Variants in MUC5AC observed in about 807,000 individuals in gnomAD.
The protein encoded by MUC5AC is mucin 5AC, oligomeric mucus/gel-forming, also known as mucin-5AC.
MUC5AC carries 158 observed loss-of-function variants against 169.7 expected under a neutral mutation model. The observed-to-expected ratio is 0.93, with a 90% confidence interval of 0.82 to 1.06. The LOEUF is 1.06. Ranked by LOEUF, MUC5AC falls within the 50% of genes least tolerant of loss-of-function variation. The probability of loss-of-function intolerance (pLI) is 0.00; values close to 1 mark genes in which losing one functional copy is unlikely to be tolerated. For missense variants in MUC5AC, 4,359 were observed against 3,089.9 expected (o/e 1.41, Z -9.74); for synonymous variants, 1,975 against 1,237.0 (o/e 1.60, Z -12.52).
rs1264990236 is a variant in MUC5AC at position 1,199,723 on chromosome 11, G to T, written c.16544G>T (p.Cys5515Phe). Residue 5515 changes from cysteine to phenylalanine, a missense_variant, in exon 47 of 49, where the codon TGC (cysteine) becomes TTC (phenylalanine). Transcript: ENST00000621226. ...GAGGCCCGCATGAGCAAGGACGGCT[G>T]CTGCCGCTTCTGCCCGCCGCCCCCG... ...LDEARMSKDG[C>F]CRFCPPPPPP... 1.4e-6 allele frequency: 1 copy of T among 712,164 alleles called. No individual in the cohort carries two copies. The highest frequency in any genetic ancestry group is 2.0e-5 in the Admixed American group (1 of 51,140). The allele number at this position is 712,164 out of a possible 1,614,324, so 44.1% of individuals were successfully genotyped here.
chr11:1,193,874 G>C (rs978208085), intron 33 of MUC5AC, among the ~76,000 whole-genome samples: 1 of 152,270 alleles, frequency 6.6e-6, no homozygotes, highest in Non-Finnish European at 1.5e-5. Context: ...GGAGCAGCCT[G>C]GCTGGAGAAG....
intron 9 of MUC5AC, among the ~76,000 whole-genome samples, chr11:1,164,753 G>A (rs1860258623): frequency 6.7e-6 from 1 of 148,334 alleles, no homozygotes; most frequent in Non-Finnish European, 1.5e-5. Flanking sequence ...GGCTGGTTGA[G>A]AATCCTGTCC....
In MUC5AC at chr11:1,182,748, A is replaced by G. The variant is rs2133752814; in HGVS notation, c.4603A>G (p.Lys1535Glu). ...CCCAGGTACCGCTACCTCTGTCAAA[A>G]AAACTTTCTCAACTCCCAGCCCTCC... ...PAPGTATSVKKTFSTPSPPPV... is the reference protein window; with the variant it reads ...PAPGTATSVKETFSTPSPPPV... Residue 1535 changes from lysine to glutamate, a missense_variant, in exon 31 of 49, where the codon AAA becomes GAA. Physicochemically the swap from Lys to Glu is moderately conservative, Grantham distance 56. Coordinates refer to ENST00000621226, the MANE Select transcript of MUC5AC (RefSeq NM_001304359.2). 1 of 398,248 alleles carries G rather than the reference A, an allele frequency of 2.5e-6. No homozygotes were observed. The highest frequency in any genetic ancestry group is 4.4e-6 in the Non-Finnish European group (1 of 226,002). 24.7% of individuals were successfully genotyped at this position (398,248 alleles called of 1,614,324 possible).
rs1254232873 is a variant in MUC5AC at position 1,184,775 on chromosome 11, T to C, written c.6630T>C (p.Arg2210=). 7.7e-6 allele frequency: 5 copies of C among 651,582 alleles called. No homozygotes were observed. Among genetic ancestry groups the C allele is most frequent in the Non-Finnish European group, 1.4e-5 (5 of 362,460 alleles). 40.4% of individuals were successfully genotyped at this position (651,582 alleles called of 1,614,324 possible). A position where few individuals can be genotyped will look rare whatever the true frequency, so the allele number is the denominator to read the frequency against. Residue 2210 remains arginine, a synonymous_variant, in exon 31 of 49, where the codon CGT becomes CGC. Transcript: ENST00000621226. ...PFKMCLNYEV[R]VLCCETPKGC... ...AGATGTGCCTCAACTACGAGGTGCG[T>C]GTGCTCTGCTGCGAGACCCCCAAAG...
chr11:1,181,690 G>A lies in MUC5AC; in HGVS notation c.4009+231G>A, dbSNP rs1002538409. 3.9e-5 allele frequency among the ~76,000 whole-genome samples: 6 copies of A among 152,296 alleles called. 1 individual carries two copies. In the South Asian group the frequency reaches 1.0e-3, roughly 26 times the overall value. ...TCCAAGTCACCCCAGCAGGCCTGGC[G>A]TCCAAGTCCTGCCCTCAGCAGCCCC... On this transcript the variant is annotated intron_variant, in intron 30 of 48. Transcript: ENST00000621226.
At chr11:1,175,816 AC>A (rs1401300512) in intron 19 of MUC5AC, among the ~76,000 whole-genome samples, 90,636 of 106,116 alleles carry the variant, frequency 0.85, 37,826 homozygotes, top group East Asian at 0.97. Flanking sequence ...ACTCATGCAC[AC>A]CACACCCACT....
chr11:1,159,493 G>GGGCTGTGCGA (rs1302411087), intron 1 of MUC5AC, among the ~76,000 whole-genome samples: 1 of 148,474 alleles, frequency 6.7e-6, no homozygotes, highest in African/African-American at 2.5e-5. Context: ...AGGCTGTGAG[G>GGGCTGTGCGA]GGCTGTGCGA....
Position 1,170,914 on chromosome 11 carries a change from CT to C in MUC5AC, c.1871-1514del, listed in dbSNP as rs1325237289. 6.8e-5 allele frequency among the ~76,000 whole-genome samples: 9 copies of C among 133,124 alleles called. No individual in the cohort carries two copies. In the East Asian group the frequency reaches 1.6e-3, roughly 23 times the overall value. The allele number at this position is 133,124 out of a possible 152,430, so 87.3% of individuals were successfully genotyped here. ...CTCACTCACTCACCCACTCACTCAC[CT>C]CACTCACTCACCCACTCACCCATTC... On this transcript the variant is annotated intron_variant, in intron 15 of 48. Transcript: ENST00000621226.
chr11:1,178,967 G>A (rs962499727), intron 25 of MUC5AC, 125 bp from the exon 26 acceptor site: 4 of 434,378 alleles, frequency 9.2e-6, no homozygotes, highest in African/African-American at 6.0e-5. Context: ...CTTGGGGATG[G>A]GCATTCGCCC....
chr11:1,166,017 G>A (rs1221620461), intron 11 of MUC5AC, among the ~76,000 whole-genome samples: 1 of 152,164 alleles, frequency 6.6e-6, no homozygotes, highest in South Asian at 2.1e-4. Flanking sequence ...ACCTTGGGCT[G>A]TTTATTTAAC....
chr11:1,161,712 G>T, intron 3 of MUC5AC, 126 bp downstream of exon 3: 1 of 1,300,420 alleles, frequency 7.7e-7, no homozygotes, highest in Non-Finnish European at 1.0e-6. Context: ...GGGTATTGGA[G>T]CCAGAGGGCC....
chr11:1,193,983 G>T (rs1241439423), intron 33 of MUC5AC, 127 bp from the exon 34 acceptor site: 2 of 659,618 alleles, frequency 3.0e-6, no homozygotes, highest in African/African-American at 1.8e-5. Flanking sequence ...TGACGTGAGG[G>T]TCTTGTGCGC....
intron 1 of MUC5AC, among the ~76,000 whole-genome samples, chr11:1,159,531 T>TGC (rs1860064939): frequency 7.7e-5 from 5 of 65,262 alleles, no homozygotes; most frequent in Admixed American, 5.4e-4. Flanking sequence ...ACCATGCTGG[T>TGC]TCTGTGCGGG....
At position 1,186,882 on chromosome 11, in the gene MUC5AC, ACAAC is replaced by A. The variant is rs1860962867; in HGVS notation, c.8740_8743del (p.Thr2914AlafsTer108). The A allele has an allele frequency of 4.1e-6, 3 of 726,294 alleles. No individual in the cohort carries two copies. 45.0% of individuals were successfully genotyped at this position (726,294 alleles called of 1,614,324 possible). On this transcript the variant is annotated frameshift_variant, in exon 31 of 49. Coordinates refer to ENST00000621226, the MANE Select transcript of MUC5AC (RefSeq NM_001304359.2). LOFTEE classifies it high-confidence loss of function. ...TACAACCAGCACAACCTCTGCCCCT[ACAAC>A]CAGCACAACCTCTGCCCCTACAAGC...
At chr11:1,164,946 G>T (rs1194163952) in intron 9 of MUC5AC, among the ~76,000 whole-genome samples, 2 of 105,322 alleles carry the variant, frequency 1.9e-5, no homozygotes, top group Non-Finnish European at 3.6e-5. Context: ...GAGGCTGGCT[G>T]ATGCCCCTGT....
chr11:1,194,140 A>G lies in MUC5AC; in HGVS notation c.14786A>G (p.Tyr4929Cys), dbSNP rs762257259. 1 of 764,992 alleles carries G rather than the reference A, an allele frequency of 1.3e-6. No individual in the cohort carries two copies. Among genetic ancestry groups the G allele is most frequent in the Non-Finnish European group, 2.4e-6 (1 of 417,838 alleles). The allele number at this position is 764,992 out of a possible 1,614,324, so 47.4% of individuals were successfully genotyped here. The change falls in exon 34 of 49, where the codon TAC becomes TGC. Residue 4929 changes from tyrosine to cysteine, a missense_variant. Tyr to Cys is a radical substitution (Grantham distance 194, BLOSUM62 -2). Coordinates refer to ENST00000621226, the MANE Select transcript of MUC5AC (RefSeq NM_001304359.2). ...TGCAGCGGCTGGGGTGACCCCCACTACATCACCTTCGACGGCACCTACTAC... is the reference window on the plus strand; with the variant it reads ...TGCAGCGGCTGGGGTGACCCCCACTGCATCACCTTCGACGGCACCTACTAC... Reference protein sequence around the residue: ...CVCSGWGDPHYITFDGTYYTF... With the variant: ...CVCSGWGDPHCITFDGTYYTF...
At chr11:1,174,403 A>G in intron 16 of MUC5AC, 93 bp from the exon 17 acceptor site, 1 of 732,018 alleles carries the variant, frequency 1.4e-6, no homozygotes, top group Admixed American at 2.5e-5. Context: ...GGATGGGAGG[A>G]CCCTGGCTGC....
Position 1,178,476 on chromosome 11 carries a change from C to A in MUC5AC, c.3120C>A (p.Asp1040Glu). The change falls in exon 25 of 49, where the codon GAC becomes GAA. Residue 1040 changes from aspartate to glutamate, a missense_variant. Transcript: ENST00000621226. ...TCTGCGGCCTGTGTGGGAACTTCGA[C>A]GACATCGCCGTTAATGACTTTGCCA... ...GRVCGLCGNFDDIAVNDFATR... is the reference protein window; with the variant it reads ...GRVCGLCGNFEDIAVNDFATR... 2 of 929,090 alleles carry A rather than the reference C, an allele frequency of 2.2e-6. No homozygotes were observed. The highest frequency in any genetic ancestry group is 2.9e-6 in the Non-Finnish European group (2 of 680,698). 57.6% of individuals were successfully genotyped at this position (929,090 alleles called of 1,614,324 possible).
At position 1,197,468 on chromosome 11, in the gene MUC5AC, G is replaced by A. The variant is rs1205625447; in HGVS notation, c.15862G>A (p.Val5288Met). 1.5e-5 allele frequency: 11 copies of A among 710,318 alleles called. No homozygotes were observed. The highest frequency in any genetic ancestry group is 2.6e-5 in the Non-Finnish European group (10 of 390,810). The allele number at this position is 710,318 out of a possible 1,614,324, so 44.0% of individuals were successfully genotyped here. A position where few individuals can be genotyped will look rare whatever the true frequency, so the allele number is the denominator to read the frequency against. ...CLGPHGEPVK[V>M]GHTVGMDCQE... ...TGGACCTCAGTCCCCTTCCTTGCAG[G>A]TGGGCCACACCGTCGGCATGGACTG... The change falls in exon 41 of 49, where the codon GTG becomes ATG. Residue 5288 changes from valine to methionine, a missense_variant and splice_region_variant. Coordinates refer to ENST00000621226, the MANE Select transcript of MUC5AC (RefSeq NM_001304359.2).
Sources: gnomAD v4.1 joint callset for allele counts (sites outside exome capture counted in the v4.1 genomes callset) on GRCh38, gnomAD v4.1.1 for gene constraint, MANE v1.5 for transcripts, NCBI Gene and HGNC (gene_info 2026-07-23, HGNC 2026-07-21) for gene names.